FAM167A: variants seen among roughly 807,000 people sequenced by gnomAD.
FAM167A encodes protein FAM167A.
In FAM167A, 23 loss-of-function variants were observed where a neutral mutation model predicts 14.9. The ratio of observed to expected loss-of-function variants is 1.55; its 90% CI spans 1.11 to 2.19. The LOEUF is 2.19. FAM167A is among the 30% of genes most tolerant of loss of function. FAM167A has a pLI of 0.00. For missense variants in FAM167A, 401 were observed against 281.5 expected, an observed-to-expected ratio of 1.42 and a Z score of -3.04; for synonymous variants, 174 against 117.7, an observed-to-expected ratio of 1.48 and a Z score of -3.10.
Position 11,424,512 on chromosome 8 carries a change from T to C in FAM167A, c.506A>G (p.Tyr169Cys). Residue 169 changes from tyrosine to cysteine, a missense_variant, in exon 3 of 3, where the codon TAC (tyrosine) becomes TGC (cysteine). Transcript: ENST00000284486. ...LHRRMLNDAT[Y>C]ELEERDELAD... Reference sequence around the variant, plus strand: ...CAGCTCATCCCGCTCCTCCAGCTCGTAGGTGGCATCGTTGAGCATCCTCCT... The same window carrying C: ...CAGCTCATCCCGCTCCTCCAGCTCGCAGGTGGCATCGTTGAGCATCCTCCT... 1.2e-6 allele frequency: 2 copies of C among 1,614,084 alleles called. No homozygotes were observed. Among genetic ancestry groups the C allele is most frequent in the Non-Finnish European group, 1.7e-6 (2 of 1,179,932 alleles).
In FAM167A at chr8:11,422,109, C is replaced by T. The variant is rs1252240818; in HGVS notation, c.*2264G>A. On this transcript the variant is annotated 3_prime_UTR_variant, in exon 3 of 3. Transcript: ENST00000284486. Reference sequence around the variant, plus strand: ...CAAACATGTGTCTTGATCTTAGTTTCCACCCAGAGAATGAAGAAAGCAAGC... The same window carrying T: ...CAAACATGTGTCTTGATCTTAGTTTTCACCCAGAGAATGAAGAAAGCAAGC... 2.0e-5 allele frequency: 6 copies of T among 307,494 alleles called. No homozygotes were observed. The highest frequency in any genetic ancestry group is 1.3e-4 in the African/African-American group (6 of 46,534). 19.0% of individuals were successfully genotyped at this position (307,494 alleles called of 1,614,324 possible).
intron 2 of FAM167A, 124 bp downstream of exon 2, chr8:11,443,907 G>C (rs1806598299): frequency 8.2e-7 from 1 of 1,222,038 alleles, no homozygotes. Context: ...GTGCACTTGG[G>C]GGTTAGAGAG....
intron 2 of FAM167A, among the ~76,000 whole-genome samples, chr8:11,440,037 C>G (rs1033687422): frequency 2.0e-5 from 3 of 152,188 alleles, no homozygotes; most frequent in Admixed American, 6.5e-5. Context: ...AATGCCCTCC[C>G]CCCACTCCCA....
upstream of FAM167A, among the ~76,000 whole-genome samples, chr8:11,471,200 A>G (rs1807950664): frequency 6.6e-6 from 1 of 152,172 alleles, no homozygotes; most frequent in African/African-American, 2.4e-5. Flanking sequence ...GAGGCAGCAG[A>G]GGGAACTGCA....
In FAM167A at chr8:11,427,282, G is replaced by A. The variant is rs143997794; in HGVS notation, c.382-2646C>T. Among the ~76,000 whole-genome samples the A allele has an allele frequency of 2.9e-3, 444 of 152,278 alleles. 4 individuals carry two copies. The highest frequency in any genetic ancestry group is 0.01 in the African/African-American group (427 of 41,550). On this transcript the variant is annotated intron_variant, in intron 2 of 2. Transcript: ENST00000284486. ...TATTTTACCAGCCAGCATGCTAGCTGGAGCTCAGAGGGCTGGTTTCTCAGT... is the reference window on the plus strand; with the variant it reads ...TATTTTACCAGCCAGCATGCTAGCTAGAGCTCAGAGGGCTGGTTTCTCAGT...
rs2117162526 is a variant in FAM167A, at chr8:11,466,710, G to A, written c.-482C>T. ...CGCGGGTCCGCGCTGCCCGGCCTCA[G>A]CTCAGGGCTCCCGCCTCGCCTCCCC... On this transcript the variant is annotated 5_prime_UTR_variant, in exon 1 of 3. Coordinates refer to ENST00000284486, the MANE Select transcript of FAM167A (RefSeq NM_053279.3). 6.6e-6 allele frequency: 1 copy of A among 152,508 alleles called. No individual in the cohort carries two copies. The highest frequency in any genetic ancestry group is 1.9e-4 in the East Asian group (1 of 5,190). The allele number at this position is 152,508 out of a possible 1,614,324, so 9.4% of individuals were successfully genotyped here.
intron 1 of FAM167A, among the ~76,000 whole-genome samples, chr8:11,461,439 G>A (rs1807534613): frequency 6.6e-6 from 1 of 152,276 alleles, no homozygotes; most frequent in South Asian, 2.1e-4. Flanking sequence ...TCTGGCCAAA[G>A]GCCATGGTGG....
chr8:11,435,110 G>C, intron 2 of FAM167A: 1 of 456,704 alleles, frequency 2.2e-6, no homozygotes, highest in Non-Finnish European at 4.4e-6. Flanking sequence ...AAGGTATCAC[G>C]GGACCCTCCT....
Position 11,423,305 on chromosome 8 carries a change from A to G in FAM167A, c.*1068T>C, listed in dbSNP as rs1019065041. 1.3e-5 allele frequency: 2 copies of G among 152,224 alleles called. No individual in the cohort carries two copies. The highest frequency in any genetic ancestry group is 1.3e-4 in the Admixed American group (2 of 15,250). 9.4% of individuals were successfully genotyped at this position (152,224 alleles called of 1,614,324 possible). Reference sequence around the variant, plus strand: ...GGGAGGGAGAAACTCTTAAAATCAAATCCTACGCACTGTAGTTGACCTACA... The same window carrying G: ...GGGAGGGAGAAACTCTTAAAATCAAGTCCTACGCACTGTAGTTGACCTACA... On this transcript the variant is annotated 3_prime_UTR_variant, in exon 3 of 3. Transcript: ENST00000284486.
chr8:11,457,270 C>T (rs968222064), intron 1 of FAM167A, among the ~76,000 whole-genome samples: 1 of 151,952 alleles, frequency 6.6e-6, no homozygotes, highest in Non-Finnish European at 1.5e-5. Flanking sequence ...TAGCCTTCCC[C>T]CTTCCTGGAA....
At chr8:11,449,669 C>T (rs1806943816) in intron 1 of FAM167A, among the ~76,000 whole-genome samples, 1 of 152,246 alleles carries the variant, frequency 6.6e-6, no homozygotes, top group South Asian at 2.1e-4. Context: ...CACCCAGCAG[C>T]AGTGGGGACA....
At chr8:11,456,717 G>A (rs1404722033) in intron 1 of FAM167A, among the ~76,000 whole-genome samples, 3 of 151,630 alleles carry the variant, frequency 2.0e-5, no homozygotes, top group Admixed American at 6.6e-5. Flanking sequence ...GGATGTAGGT[G>A]TGGCTGGGTA....
At chr8:11,469,629 G>A (rs756296042), upstream of FAM167A, among the ~76,000 whole-genome samples, 2 of 152,196 alleles carry the variant, frequency 1.3e-5, no homozygotes, top group Non-Finnish European at 2.9e-5. Flanking sequence ...CAATTTGGGA[G>A]GCCGAGGCAG....
At chr8:11,459,652 A>G (rs1807459334) in intron 1 of FAM167A, among the ~76,000 whole-genome samples, 1 of 152,234 alleles carries the variant, frequency 6.6e-6, no homozygotes, top group African/African-American at 2.4e-5. Flanking sequence ...TGCCATTAAC[A>G]ACCTGTGACG....
chr8:11,470,526 G>A (rs757153618), upstream of FAM167A, among the ~76,000 whole-genome samples: 8 of 152,218 alleles, frequency 5.3e-5, no homozygotes, highest in Admixed American at 1.3e-4. Flanking sequence ...GCCTTCCCCC[G>A]AGGGGAGCTC....
At chr8:11,474,738 A>G (rs2736328) in intron 1 of FAM167A, 130,585 of 151,952 alleles carry the variant, frequency 0.86, 56,289 homozygotes, top group East Asian at 0.98. Context: ...CAGCCCTCCT[A>G]GACAAATGGC....
chr8:11,447,801 G>A (rs1233184633), intron 1 of FAM167A, among the ~76,000 whole-genome samples: 2 of 152,234 alleles, frequency 1.3e-5, no homozygotes, highest in African/African-American at 4.8e-5. Flanking sequence ...TGACCACTCT[G>A]GGCCTCTGTG....
At chr8:11,460,160 C>G (rs1406562457) in intron 1 of FAM167A, among the ~76,000 whole-genome samples, 2 of 152,258 alleles carry the variant, frequency 1.3e-5, no homozygotes, top group East Asian at 3.8e-4. Context: ...CTACAGGGCT[C>G]TGGGAGGGGC....
intron 1 of FAM167A, chr8:11,445,644 C>T (rs1284115621): frequency 8.2e-6 from 8 of 980,560 alleles, no homozygotes; most frequent in Non-Finnish European, 9.7e-6. Context: ...TAAGCCCCAG[C>T]TCCTACCCCA....
Sources: gnomAD v4.1 joint callset for allele counts (sites outside exome capture counted in the v4.1 genomes callset) on GRCh38, gnomAD v4.1.1 for gene constraint, MANE v1.5 for transcripts, NCBI Gene and HGNC (gene_info 2026-07-23, HGNC 2026-07-21) for gene names.